OTUD7A: variants seen among roughly 807,000 people sequenced by gnomAD.
OTUD7A encodes the protein OTU deubiquitinase 7A, also known as OTU domain-containing protein 7A.
A neutral mutation model predicts 65.7 loss-of-function variants in OTUD7A; 12 were observed. The ratio of observed to expected loss-of-function variants is 0.18; its 90% CI spans 0.12 to 0.30. The LOEUF (loss-of-function observed/expected upper bound fraction) is 0.30, where lower values mean the gene tolerates loss of function less well. OTUD7A is among the 10% of genes least tolerant of loss of function. OTUD7A has a pLI of 1.00. For missense variants in OTUD7A, 1,148 were observed against 1,304.8 expected (o/e 0.88, Z 1.85); for synonymous variants, 641 against 586.3 (o/e 1.09, Z -1.35).
intron 3 of OTUD7A, among the ~76,000 whole-genome samples, chr15:31,613,854 T>A (rs911847778): frequency 2.0e-5 from 3 of 152,166 alleles, no homozygotes; most frequent in Non-Finnish European, 4.4e-5. Context: ...TGTTTGTGGC[T>A]GCACAATTCA....
chr15:31,791,597 G>A (rs749248094), intron 1 of OTUD7A, among the ~76,000 whole-genome samples: 3 of 152,098 alleles, frequency 2.0e-5, no homozygotes, highest in South Asian at 2.1e-4. Flanking sequence ...AACACGTCCC[G>A]GACCAACCCC....
intron 3 of OTUD7A, among the ~76,000 whole-genome samples, chr15:31,610,911 G>A (rs8023394): frequency 0.29 from 43,135 of 151,098 alleles, 7,224 homozygotes; most frequent in African/African-American, 0.47. Context: ...TTACAGGCGT[G>A]AGCCACCATG....
chr15:31,524,137 TTTG>T (rs1055771631), intron 8 of OTUD7A, among the ~76,000 whole-genome samples: 2 of 149,476 alleles, frequency 1.3e-5, no homozygotes, highest in African/African-American at 2.6e-5. Context: ...TTCTGAGTTT[TTTG>T]TTTTTTTTTT....
chr15:31,740,243 C>A (rs536619035), intron 1 of OTUD7A, among the ~76,000 whole-genome samples: 1 of 152,044 alleles, frequency 6.6e-6, no homozygotes, highest in Non-Finnish European at 1.5e-5. Flanking sequence ...TGGGCAGGTG[C>A]GTCTGAGTGC....
At chr15:31,567,644 CT>C (rs1043170658) in intron 4 of OTUD7A, among the ~76,000 whole-genome samples, 2 of 152,206 alleles carry the variant, frequency 1.3e-5, no homozygotes, top group African/African-American at 4.8e-5. Context: ...GAGAAAAAGC[CT>C]TGAAGGCATT....
At chr15:31,635,901 C>T (rs1595674736) in intron 3 of OTUD7A, among the ~76,000 whole-genome samples, 1 of 152,238 alleles carries the variant, frequency 6.6e-6, no homozygotes, top group African/African-American at 2.4e-5. Context: ...CTGCCCCCCA[C>T]TTGCCAGCTG....
At chr15:31,506,837 A>C (rs989138753) in intron 8 of OTUD7A, among the ~76,000 whole-genome samples, 3 of 152,234 alleles carry the variant, frequency 2.0e-5, no homozygotes, top group African/African-American at 7.2e-5. Context: ...AATAGCAGAG[A>C]GAGCTTGGCA....
chr15:31,645,251 G>C (rs1327506708), intron 3 of OTUD7A, among the ~76,000 whole-genome samples: 1 of 152,192 alleles, frequency 6.6e-6, no homozygotes, highest in African/African-American at 2.4e-5. Context: ...GGGGACTACT[G>C]TCCTTTACTG....
intron 7 of OTUD7A, among the ~76,000 whole-genome samples, chr15:31,526,820 C>T (rs1283890792): frequency 6.6e-6 from 1 of 152,158 alleles, no homozygotes; most frequent in Non-Finnish European, 1.5e-5. Flanking sequence ...TCGGGAATCC[C>T]TTTGGACTGA....
rs28477679 is a variant in OTUD7A at position 31,825,339 on chromosome 15, A to G, written c.-100+45168T>C. 5.2e-3 allele frequency among the ~76,000 whole-genome samples: 789 copies of G among 152,372 alleles called. 4 individuals carry two copies. The highest frequency in any genetic ancestry group is 0.018 in the African/African-American group (755 of 41,578). ...CGGAAGGCAAAGAGGAGCAAGTCACATCTTACATGGATGGAAGCAGGCAAG... is the reference window on the plus strand; with the variant it reads ...CGGAAGGCAAAGAGGAGCAAGTCACGTCTTACATGGATGGAAGCAGGCAAG... On this transcript the variant is annotated intron_variant, in intron 1 of 12. Coordinates refer to ENST00000307050, the MANE Select transcript of OTUD7A (RefSeq NM_001382637.1).
chr15:31,506,218 T>C (rs1595563581), intron 8 of OTUD7A, among the ~76,000 whole-genome samples: 2 of 151,972 alleles, frequency 1.3e-5, no homozygotes, highest in Admixed American at 1.3e-4. Context: ...ATTATGACTT[T>C]TTTTTTTTGC....
chr15:31,477,659 ATT>A lies in OTUD7A; in HGVS notation c.*5633_*5634del, dbSNP rs901674516. On this transcript the variant is annotated 3_prime_UTR_variant, in exon 13 of 13. Transcript: ENST00000307050. ...CCTCTTAATAGTTTTCAATTTACTGATTTAATTTCCTTTTTTCAATAAATACT... is the reference window on the plus strand; with the variant it reads ...CCTCTTAATAGTTTTCAATTTACTGATAATTTCCTTTTTTCAATAAATACT... 28 of 152,304 alleles carry A rather than the reference ATT, an allele frequency of 1.8e-4. No individual in the cohort carries two copies. Among genetic ancestry groups the A allele is most frequent in the African/African-American group, 6.0e-4 (25 of 41,540 alleles). The allele number at this position is 152,304 out of a possible 1,614,324, so 9.4% of individuals were successfully genotyped here. A position where few individuals can be genotyped will look rare whatever the true frequency, so the allele number is the denominator to read the frequency against.
In OTUD7A at chr15:31,501,929, G is replaced by A. The variant is rs931623018; in HGVS notation, c.1022-90C>T. On this transcript the variant is annotated intron_variant, in intron 9 of 12. Transcript: ENST00000307050. ...TGCATCCCTGTCCCTCACTACCCCG[G>A]GGGGACTCCGTGGAGAAGCGGAGGG... The A allele has an allele frequency of 2.3e-5, 33 of 1,412,638 alleles. No individual in the cohort carries two copies. In the African/African-American group the frequency reaches 4.7e-4, roughly 20 times the overall value. The allele number at this position is 1,412,638 out of a possible 1,614,324, so 87.5% of individuals were successfully genotyped here. A position where few individuals can be genotyped will look rare whatever the true frequency, so the allele number is the denominator to read the frequency against.
chr15:31,736,168 G>T (rs139412050), intron 1 of OTUD7A, among the ~76,000 whole-genome samples: 1 of 152,178 alleles, frequency 6.6e-6, no homozygotes, highest in Non-Finnish European at 1.5e-5. Flanking sequence ...CACAACACAA[G>T]TTTACCTTTG....
chr15:31,662,807 T>G (rs1892202178), intron 1 of OTUD7A, among the ~76,000 whole-genome samples: 1 of 152,222 alleles, frequency 6.6e-6, no homozygotes, highest in South Asian at 2.1e-4. Flanking sequence ...GAGTTTTTAC[T>G]TAACCTAATC....
intron 1 of OTUD7A, among the ~76,000 whole-genome samples, chr15:31,840,265 CAAATAAAT>C (rs573866593): frequency 1.3e-5 from 2 of 151,556 alleles, no homozygotes; most frequent in South Asian, 2.1e-4. Flanking sequence ...ACTAAAAATA[CAAATAAAT>C]AAATAAATAA....
In OTUD7A at chr15:31,478,646, T is replaced by C. The variant is rs2041063283; in HGVS notation, c.*4648A>G. The C allele has an allele frequency of 6.6e-6, 1 of 152,140 alleles. No individual in the cohort carries two copies. The highest frequency in any genetic ancestry group is 2.4e-5 in the African/African-American group (1 of 41,428). The allele number at this position is 152,140 out of a possible 1,614,324, so 9.4% of individuals were successfully genotyped here. A position where few individuals can be genotyped will look rare whatever the true frequency, so the allele number is the denominator to read the frequency against. ...GCACATAACTGTTGTTCCCAAGGGG[T>C]CCCTGCAGGGCATCTCCCTCGCTCT... On this transcript the variant is annotated 3_prime_UTR_variant, in exon 13 of 13. Coordinates refer to ENST00000307050, the MANE Select transcript of OTUD7A (RefSeq NM_001382637.1).
At chr15:31,494,418 T>G (rs1291162757) in intron 10 of OTUD7A, among the ~76,000 whole-genome samples, 1 of 152,220 alleles carries the variant, frequency 6.6e-6, no homozygotes, top group African/African-American at 2.4e-5. Context: ...TCCTGGATCT[T>G]GTATTCCCAG....
intron 1 of OTUD7A, among the ~76,000 whole-genome samples, chr15:31,702,558 C>T (rs2141329296): frequency 6.6e-6 from 1 of 150,730 alleles, no homozygotes; most frequent in East Asian, 1.9e-4. Context: ...ATGCATAGGA[C>T]TTGTATGCTG....
Sources: allele counts gnomAD v4.1 joint callset (sites outside exome capture counted in the v4.1 genomes callset), GRCh38; gene constraint gnomAD v4.1.1; transcripts MANE v1.5; gene names NCBI Gene and HGNC (gene_info 2026-07-23, HGNC 2026-07-21).